Variants in COBL observed in about 807,000 individuals in gnomAD.
The protein encoded by COBL is protein cordon-bleu.
Under a neutral mutation model 98.8 loss-of-function variants are expected in COBL, and 51 were observed. The ratio of observed to expected loss-of-function variants is 0.52; its 90% confidence interval spans 0.41 to 0.65. The LOEUF is 0.65. Ranked by LOEUF, COBL falls within the 30% of genes least tolerant of loss-of-function variation. COBL has a pLI of 0.00. For synonymous variants in COBL, 634 were observed against 651.7 expected (o/e 0.97, Z 0.41); for missense variants, 1,617 against 1,617.5 (o/e 1.00, Z 0.01).
At position 51,265,203 on chromosome 7, in the gene COBL, C is replaced by T. The variant is rs114376714; in HGVS notation, c.42-45259G>A. Among the ~76,000 whole-genome samples, 720 of 152,354 alleles carry T rather than the reference C, an allele frequency of 4.7e-3. 3 individuals carry two copies. Among genetic ancestry groups the T allele is most frequent in the African/African-American group, 0.016 (669 of 41,594 alleles). ...ACAACCGCGTGCTCATCTGTTTCAG[C>T]CTCACTGCTGCTTTACAAGGGTAGT... is the stretch of plus-strand genomic sequence containing the variant. On this transcript the variant is annotated intron_variant, in intron 1 of 12. Transcript: ENST00000265136.
chr7:51,063,611 G>A (rs899599801), intron 7 of COBL, among the ~76,000 whole-genome samples: 2 of 152,232 alleles, frequency 1.3e-5, no homozygotes, highest in Admixed American at 6.5e-5. Flanking sequence ...AGGGCCAGGT[G>A]TGGCCCCACG....
Position 51,029,024 on chromosome 7 carries a change from C to T in COBL, c.2072G>A (p.Arg691Gln), listed in dbSNP as rs773023354. Residue 691 changes from arginine to glutamine, a missense_variant, in exon 10 of 13, where the codon CGA becomes CAA. Physicochemically the swap from Arg to Gln is conservative, Grantham distance 43 (BLOSUM62 1). Around this residue, in one of 3 missense-constraint regions of COBL, gnomAD observed 1,304 missense variants for 1,282.0 expected, o/e 1.02. Coordinates refer to ENST00000265136, the MANE Select transcript of COBL (RefSeq NM_015198.5). The part of the protein sequence containing the change: ...AALAPTSWHQ[R>Q]GQNPGKSYRL... ...GTAGCTTTTCCCTGGGTTTTGGCCT[C>T]GTTGGTGCCATGATGTTGGTGCCAA... 3.8e-5 allele frequency: 61 copies of T among 1,614,004 alleles called. No individual in the cohort carries two copies. The highest frequency in any genetic ancestry group is 1.3e-4 in the Admixed American group (8 of 60,000).
Position 51,043,372 on chromosome 7 carries a change from C to T in COBL, c.1406+11G>A, listed in dbSNP as rs1789392422. 1 of 1,612,326 alleles carries T rather than the reference C, an allele frequency of 6.2e-7. No individual in the cohort carries two copies. The highest frequency in any genetic ancestry group is 1.3e-5 in the African/African-American group (1 of 74,968). ...TGACTTCCGTACCCACCCATCCTTC[C>T]CGTGACTCACCTCAGATGTGAGTTC... On this transcript the variant is annotated intron_variant, in intron 8 of 12. Coordinates refer to ENST00000265136, the MANE Select transcript of COBL (RefSeq NM_015198.5).
intron 2 of COBL, 53 bp downstream of exon 2, chr7:51,219,688 C>T (rs1345035059): frequency 8.3e-6 from 13 of 1,569,998 alleles, no homozygotes; most frequent in Middle Eastern, 1.7e-4. Flanking sequence ...CCATTCTCCC[C>T]GCTATACTCG....
intron 1 of COBL, among the ~76,000 whole-genome samples, chr7:51,254,427 C>G (rs1034598161): frequency 2.0e-5 from 3 of 152,322 alleles, no homozygotes; most frequent in African/African-American, 7.2e-5. Flanking sequence ...TATTCACTTG[C>G]AACAAATAGA....
At chr7:51,096,729 A>G (rs949612970) in intron 6 of COBL, among the ~76,000 whole-genome samples, 3 of 152,150 alleles carry the variant, frequency 2.0e-5, no homozygotes. Flanking sequence ...CACACCAACC[A>G]ATTGGATAAC....
chr7:51,173,533 G>C (rs1166786290), intron 5 of COBL, among the ~76,000 whole-genome samples: 4 of 152,110 alleles, frequency 2.6e-5, no homozygotes, highest in Non-Finnish European at 5.9e-5. Flanking sequence ...GGTGTACACA[G>C]AAAAATTTCA....
intron 5 of COBL, among the ~76,000 whole-genome samples, chr7:51,170,531 AAAT>A (rs1787764786): frequency 4.8e-5 from 7 of 146,480 alleles, no homozygotes; most frequent in African/African-American, 1.5e-4. Context: ...ATATATATAT[AAAT>A]ATATATCACA....
intron 7 of COBL, chr7:51,072,031 T>C (rs566264482): frequency 6.6e-6 from 1 of 152,344 alleles, no homozygotes; most frequent in South Asian, 2.1e-4. Context: ...TGGCTTATAT[T>C]TGTTTATTAT....
intron 1 of COBL, among the ~76,000 whole-genome samples, chr7:51,243,158 C>T (rs1229678447): frequency 6.6e-6 from 1 of 152,202 alleles, no homozygotes; most frequent in Admixed American, 6.5e-5. Flanking sequence ...TAAGAGAACA[C>T]GTTCAAGCCA....
At chr7:51,067,672 T>C (rs1792082069) in intron 7 of COBL, among the ~76,000 whole-genome samples, 1 of 152,234 alleles carries the variant, frequency 6.6e-6, no homozygotes, top group Non-Finnish European at 1.5e-5. Context: ...ACTAGACTCT[T>C]CTTGACTCAC....
intron 1 of COBL, among the ~76,000 whole-genome samples, chr7:51,274,909 T>A (rs1363411088): frequency 1.3e-5 from 2 of 152,224 alleles, no homozygotes; most frequent in Non-Finnish European, 2.9e-5. Flanking sequence ...CTGATAGCAA[T>A]CATTTGATTT....
At chr7:51,273,644 G>A (rs1799002604) in intron 1 of COBL, among the ~76,000 whole-genome samples, 1 of 152,178 alleles carries the variant, frequency 6.6e-6, no homozygotes, top group African/African-American at 2.4e-5. Context: ...TGACTGGACA[G>A]CTACATCTGC....
At chr7:51,145,988 C>T (rs913783037) in intron 5 of COBL, among the ~76,000 whole-genome samples, 3 of 152,028 alleles carry the variant, frequency 2.0e-5, no homozygotes, top group Non-Finnish European at 4.4e-5. Flanking sequence ...CTGACCATCA[C>T]AGCACACTGC....
chr7:51,046,665 A>G (rs1789734471), intron 7 of COBL, among the ~76,000 whole-genome samples: 1 of 152,152 alleles, frequency 6.6e-6, no homozygotes, highest in African/African-American at 2.4e-5. Flanking sequence ...AACTCAGAAC[A>G]TAAAAGGAAA....
intron 5 of COBL, among the ~76,000 whole-genome samples, chr7:51,180,992 A>C (rs2129050095): frequency 6.6e-6 from 1 of 152,348 alleles, no homozygotes; most frequent in East Asian, 1.9e-4. Context: ...AGATGATTCA[A>C]CAAGCAACAG....
At chr7:51,234,496 T>A (rs1260762722) in intron 1 of COBL, among the ~76,000 whole-genome samples, 2 of 151,514 alleles carry the variant, frequency 1.3e-5, no homozygotes, top group African/African-American at 4.8e-5. Context: ...AGCTTAGGAG[T>A]TCGAGACCAG....
intron 1 of COBL, among the ~76,000 whole-genome samples, chr7:51,305,770 C>T (rs1003442724): frequency 4.1e-5 from 6 of 146,852 alleles, no homozygotes; most frequent in Non-Finnish European, 8.9e-5. Flanking sequence ...CGTGGTGGCT[C>T]ATGCCTGTAA....
chr7:51,173,825 CAA>C (rs970651347), intron 5 of COBL, among the ~76,000 whole-genome samples: 6 of 151,976 alleles, frequency 3.9e-5, no homozygotes, highest in Non-Finnish European at 8.8e-5. Context: ...AGCTTTAAAA[CAA>C]AAAAGATATT....
Sources: gnomAD v4.1 joint callset for allele counts (sites outside exome capture counted in the v4.1 genomes callset) on GRCh38, gnomAD v4.1.1 for gene constraint, gnomAD v4.1.1 regional missense constraint, MANE v1.5 for transcripts, NCBI Gene and HGNC (gene_info 2026-07-23, HGNC 2026-07-21) for gene names.